The following ZNF208 variants were observed in gnomAD, a reference collection of about 807,000 sequenced individuals.
ZNF208 encodes the protein zinc finger protein 208.
In ZNF208, 10 loss-of-function variants were observed where a neutral mutation model predicts 12.1. That is an observed-to-expected ratio of 0.83 (90% confidence interval 0.51 to 1.40). The LOEUF (loss-of-function observed/expected upper bound fraction) is 1.40, where lower values mean the gene tolerates loss of function less well. Ranked by LOEUF, ZNF208 falls within the 40% of genes most tolerant of loss-of-function variation. The probability of loss-of-function intolerance (pLI) is 0.00; values close to 1 mark genes in which losing one functional copy is unlikely to be tolerated. For synonymous variants in ZNF208, 497 were observed against 488.4 expected (o/e 1.02, Z -0.23); for missense variants, 1,652 against 1,485.0 (o/e 1.11, Z -1.85).
At chr19:21,961,659 G>A (rs1444703310), downstream of ZNF208, among the ~76,000 whole-genome samples, 3 of 152,020 alleles carry the variant, frequency 2.0e-5, no homozygotes, top group Admixed American at 1.3e-4. Context: ...CAGAGCGGCT[G>A]TTTATAGACC....
chr19:21,946,517 C>G (rs1456301118), intron 4 of ZNF208, among the ~76,000 whole-genome samples: 2 of 152,206 alleles, frequency 1.3e-5, no homozygotes, highest in South Asian at 2.1e-4. Flanking sequence ...TTGTTCCAAA[C>G]CTCACCCTTG....
At chr19:21,985,705 C>T (rs1323033022) in intron 3 of ZNF208, among the ~76,000 whole-genome samples, 1 of 152,176 alleles carries the variant, frequency 6.6e-6, no homozygotes, top group Non-Finnish European at 1.5e-5. Flanking sequence ...GACGGCAGGC[C>T]GGCAGACCTT....
chr19:21,995,025 C>T (rs1310887143), intron 1 of ZNF208, among the ~76,000 whole-genome samples: 4 of 150,284 alleles, frequency 2.7e-5, no homozygotes, highest in Non-Finnish European at 4.4e-5. Context: ...GATCTCAGCT[C>T]ACTGCAGCCT....
chr19:21,974,392 T>C lies in ZNF208; in HGVS notation c.642A>G (p.Ser214=). 6.2e-7 allele frequency: 1 copy of C among 1,613,850 alleles called. No individual in the cohort carries two copies. Among genetic ancestry groups the C allele is most frequent in the South Asian group, 1.1e-5 (1 of 91,070 alleles). ...EEGGKAFNWS[S]TLTYYKSAHT... is the part of the protein sequence containing the mutation. Reference sequence around the variant, plus strand: ...GAGCACTCTTATAATAAGTAAGGGTTGAGGACCAGTTAAAAGCTTTGCCAC... The same window carrying C: ...GAGCACTCTTATAATAAGTAAGGGTCGAGGACCAGTTAAAAGCTTTGCCAC... The change falls in exon 4 of 4, where the codon TCA becomes TCG. Residue 214 remains serine, a synonymous_variant. Coordinates refer to ENST00000397126, the MANE Select transcript of ZNF208 (RefSeq NM_007153.3).
At chr19:21,951,779 C>T (rs1039010170) in intron 4 of ZNF208, among the ~76,000 whole-genome samples, 1 of 152,210 alleles carries the variant, frequency 6.6e-6, no homozygotes. Flanking sequence ...GTACATGGCT[C>T]ATCTCACTGG....
At chr19:22,008,761 A>G (rs1405839649) in intron 1 of ZNF208, among the ~76,000 whole-genome samples, 2 of 152,190 alleles carry the variant, frequency 1.3e-5, no homozygotes, top group East Asian at 1.9e-4. Flanking sequence ...TCAAGGGGTT[A>G]GCTTTCCAAA....
At chr19:21,959,253 C>T (rs540721675) in intron 4 of ZNF208, among the ~76,000 whole-genome samples, 16 of 152,264 alleles carry the variant, frequency 1.1e-4, no homozygotes, top group South Asian at 2.1e-4. Flanking sequence ...TAATACTTCA[C>T]AAAATCATTC....
At chr19:21,994,456 G>A (rs1970794021) in intron 1 of ZNF208, among the ~76,000 whole-genome samples, 1 of 152,058 alleles carries the variant, frequency 6.6e-6, no homozygotes, top group African/African-American at 2.4e-5. Flanking sequence ...CATAAATAAG[G>A]CCTCCAAAAA....
Position 21,973,202 on chromosome 19 carries a change from C to T in ZNF208, c.1832G>A (p.Cys611Tyr), listed in dbSNP as rs1427647070. The change falls in exon 4 of 4, where the codon TGT becomes TAT. Residue 611 changes from cysteine (C) to tyrosine (Y), a missense_variant. By Grantham distance (194) the Cys-to-Tyr change is radical. Transcript: ENST00000397126. ...RIHTGEKPYK[C>Y]EECGKTFSKV... ...ACTAAAGGTTTTGCCACATTCTTCA[C>T]ATTTGTAGGGTTTCTCACCAGTATG... 1.9e-6 allele frequency: 3 copies of T among 1,613,506 alleles called. No homozygotes were observed. The highest frequency in any genetic ancestry group is 1.1e-5 in the South Asian group (1 of 91,044).
chr19:22,009,746 CAA>C (rs567429006), intron 1 of ZNF208, among the ~76,000 whole-genome samples: 15 of 108,154 alleles, frequency 1.4e-4, no homozygotes, highest in African/African-American at 2.2e-4. Context: ...GACTTGGTCT[CAA>C]AAAAAAAAAA....
intron 1 of ZNF208, among the ~76,000 whole-genome samples, chr19:21,993,731 C>T (rs564800675): frequency 4.0e-4 from 61 of 150,790 alleles, no homozygotes; most frequent in African/African-American, 1.1e-3. Flanking sequence ...GTCCCTTACA[C>T]GCAGCACTCT....
At chr19:21,965,468 G>A (rs1257205659), downstream of ZNF208, among the ~76,000 whole-genome samples, 2 of 152,002 alleles carry the variant, frequency 1.3e-5, no homozygotes, top group African/African-American at 2.4e-5. Flanking sequence ...AAATGTCTGA[G>A]CATATTCACT....
intron 1 of ZNF208, among the ~76,000 whole-genome samples, chr19:22,008,943 G>A (rs953285010): frequency 1.3e-5 from 2 of 152,076 alleles, no homozygotes; most frequent in South Asian, 2.1e-4. Flanking sequence ...AGACGCTCTC[G>A]CAGACATAGC....
At chr19:21,988,123 T>G (rs2145567179) in intron 2 of ZNF208, among the ~76,000 whole-genome samples, 1 of 152,288 alleles carries the variant, frequency 6.6e-6, no homozygotes, top group African/African-American at 2.4e-5. Context: ...GCCAGTAAAC[T>G]TTTGAAATTA....
chr19:21,984,584 A>T (rs1017976209), intron 3 of ZNF208, among the ~76,000 whole-genome samples: 7 of 151,656 alleles, frequency 4.6e-5, no homozygotes, highest in Middle Eastern at 3.4e-3. Context: ...AAACAAAAAA[A>T]ATATATATGA....
chr19:22,007,740 C>T (rs948738561), intron 1 of ZNF208, among the ~76,000 whole-genome samples: 1 of 151,940 alleles, frequency 6.6e-6, no homozygotes, highest in African/African-American at 2.4e-5. Flanking sequence ...GGGCTCACAC[C>T]TGCAATCCCA....
intron 4 of ZNF208, among the ~76,000 whole-genome samples, chr19:21,946,966 TTTC>T (rs1036784351): frequency 2.2e-4 from 34 of 152,238 alleles, no homozygotes; most frequent in East Asian, 1.7e-3. Flanking sequence ...TTTCATTTTT[TTTC>T]TTCTTCTTCT....
chr19:21,951,494 C>T (rs1239128241), intron 4 of ZNF208, among the ~76,000 whole-genome samples: 1 of 151,604 alleles, frequency 6.6e-6, no homozygotes, highest in South Asian at 2.1e-4. Context: ...TTTGAAATAC[C>T]AAAAAATTAA....
intron 1 of ZNF208, among the ~76,000 whole-genome samples, chr19:21,990,141 GACAT>G (rs957999109): frequency 2.0e-5 from 3 of 152,062 alleles, no homozygotes; most frequent in Non-Finnish European, 2.9e-5. Context: ...TGGTGTTTTA[GACAT>G]GAAGTCCTTG....
Sources: allele counts gnomAD v4.1 joint callset (sites outside exome capture counted in the v4.1 genomes callset), GRCh38; gene constraint gnomAD v4.1.1; transcripts MANE v1.5; gene names NCBI Gene and HGNC (gene_info 2026-07-23, HGNC 2026-07-21).